DHX29: variants seen among roughly 807,000 people sequenced by gnomAD.
DHX29 encodes the protein ATP-dependent RNA helicase DHX29.
A neutral mutation model predicts 167.9 loss-of-function variants in DHX29; 79 were observed. The observed-to-expected ratio is 0.47, with a 90% CI of 0.39 to 0.57. The LOEUF (loss-of-function observed/expected upper bound fraction) is 0.57. Among genes scored for constraint, DHX29 ranks in the 20% least tolerant of loss-of-function variants. The pLI, the probability that DHX29 is intolerant of heterozygous loss-of-function variation, is 0.00. For synonymous variants in DHX29, 530 were observed against 546.0 expected, an observed-to-expected ratio of 0.97 and a Z score of 0.41; for missense variants, 1,347 against 1,593.4, an observed-to-expected ratio of 0.85 and a Z score of 2.63.
chr5:55,281,327 CAAAAAT>C (rs1321033472), intron 12 of DHX29, 39 bp downstream of exon 12: 2 of 1,443,406 alleles, frequency 1.4e-6, no homozygotes, highest in African/African-American at 2.9e-5. Context: ...CTTTTTAATA[CAAAAAT>C]ATTTCAAATT....
rs1746049807 is a variant in DHX29, at chr5:55,256,253, A to G, written c.*235T>C. The G allele has an allele frequency of 3.0e-6, 1 of 335,000 alleles. No homozygotes were observed. Among genetic ancestry groups the G allele is most frequent in the African/African-American group, 2.2e-5 (1 of 45,600 alleles). 20.8% of individuals were successfully genotyped at this position (335,000 alleles called of 1,614,324 possible). A position where few individuals can be genotyped will look rare whatever the true frequency, so the allele number is the denominator to read the frequency against. On this transcript the variant is annotated 3_prime_UTR_variant, in exon 27 of 27. Transcript: ENST00000251636. ...CAACGATGAGCAAAACATGCATAATACCAAAGAATTTATTGTAAATGTAGT... is the reference window on the plus strand; with the variant it reads ...CAACGATGAGCAAAACATGCATAATGCCAAAGAATTTATTGTAAATGTAGT...
At chr5:55,301,829 T>C (rs115628158) in intron 1 of DHX29, among the ~76,000 whole-genome samples, 1,715 of 152,178 alleles carry the variant, frequency 0.011, 29 homozygotes, top group African/African-American at 0.039. Flanking sequence ...ATTTAAACAT[T>C]AAATGTTCTT....
Position 55,297,332 on chromosome 5 carries a change from T to G in DHX29, c.328A>C (p.Asn110His). The G allele has an allele frequency of 6.2e-7, 1 of 1,602,092 alleles. No homozygotes were observed. Residue 110 changes from asparagine to histidine, a missense_variant, in exon 3 of 27, where the codon AAT becomes CAT. Coordinates refer to ENST00000251636, the MANE Select transcript of DHX29 (RefSeq NM_019030.4). Reference protein sequence around the residue: ...GVINEHKKQNNDKGMISGRLT... With the variant: ...GVINEHKKQNHDKGMISGRLT... ...CTTCCAGAAATCATTCCTTTGTCAT[T>G]ATTTTGCTTTTTATGCTCATTGATC...
Position 55,283,406 on chromosome 5 carries a change from G to C in DHX29, c.1762C>G (p.His588Asp), listed in dbSNP as rs752906136. 14 of 1,614,168 alleles carry C rather than the reference G, an allele frequency of 8.7e-6. No homozygotes were observed. In the East Asian group the frequency reaches 3.1e-4, roughly 36 times the overall value. ...RDSIVETLKRHRVVVVAGETG... is the reference protein window; with the variant it reads ...RDSIVETLKRDRVVVVAGETG... ...TCACCTGCCACAACCACTACCCGAT[G>C]CCTTTTAAGAGTTTCAACAATTGAG... Residue 588 changes from histidine (H) to aspartate (D), a missense_variant, in exon 11 of 27, where the codon CAT becomes GAT. This residue lies in a region of DHX29 where 882 missense variants were observed against 1,082.4 expected (regional missense o/e 0.81). Transcript: ENST00000251636.
chr5:55,259,160 A>T (rs1034727716), intron 26 of DHX29, among the ~76,000 whole-genome samples: 14 of 152,000 alleles, frequency 9.2e-5, no homozygotes, highest in Admixed American at 5.2e-4. Flanking sequence ...ATTTTTTTTT[A>T]AATAATAGCT....
chr5:55,301,408 C>T (rs2111978233), intron 1 of DHX29, among the ~76,000 whole-genome samples: 1 of 152,212 alleles, frequency 6.6e-6, no homozygotes, highest in East Asian at 1.9e-4. Flanking sequence ...CTTTGAGAAA[C>T]ACTGCTGTAT....
chr5:55,277,225 G>A lies in DHX29; in HGVS notation c.2167C>T (p.Gln723Ter). 6.3e-7 allele frequency: 1 copy of A among 1,586,502 alleles called. No homozygotes were observed. Among genetic ancestry groups the A allele is most frequent in the East Asian group, 2.3e-5 (1 of 43,940 alleles). ...FLLIILKEIL[Q>*]KRSDLHLILM... The stretch of plus-strand genomic sequence containing the variant: ...ATCAAGTGTAGATCAGAACGTTTCT[G>A]TAAAATTTCCTTCAAGATAATTAGT... The change falls in exon 13 of 27, where the codon CAG becomes TAG. Residue 723 changes from glutamine (Q) to a stop codon, truncating the protein, a stop_gained. Coordinates refer to ENST00000251636, the MANE Select transcript of DHX29 (RefSeq NM_019030.4). LOFTEE classifies it high-confidence loss of function.
intron 23 of DHX29, among the ~76,000 whole-genome samples, chr5:55,263,838 A>G (rs1579752417): frequency 6.7e-6 from 1 of 150,188 alleles, no homozygotes; most frequent in African/African-American, 2.4e-5. Flanking sequence ...CGAGAAGGAC[A>G]AAGTTCATTC....
In DHX29 at chr5:55,268,133, G is replaced by A. The variant is rs763067245; in HGVS notation, c.3295-311C>T. 4.8e-4 allele frequency among the ~76,000 whole-genome samples: 73 copies of A among 152,144 alleles called. No homozygotes were observed. In the Middle Eastern group the frequency reaches 0.01, roughly 21 times the overall value. On this transcript the variant is annotated intron_variant, in intron 21 of 26. Coordinates refer to ENST00000251636, the MANE Select transcript of DHX29 (RefSeq NM_019030.4). The stretch of plus-strand genomic sequence containing the variant: ...TCACCACAATCAGAGAAAAAAATCT[G>A]AACATTTATATAAATGATTTACAGT...
At chr5:55,295,290 T>C (rs1748256659) in intron 5 of DHX29, 89 bp downstream of exon 5, 2 of 1,013,632 alleles carry the variant, frequency 2.0e-6, no homozygotes, top group Non-Finnish European at 2.9e-6. Context: ...GTAAAAATGT[T>C]ATAGAAACCT....
rs139987333 is a variant in DHX29 at position 55,307,532 on chromosome 5, C to G, written c.42G>C (p.Ala14=). 524 of 1,613,534 alleles carry G rather than the reference C, an allele frequency of 3.2e-4. 2 individuals are homozygous for G. The African/African-American group carries it at 4.8e-3, about 15-fold the overall frequency. ...KNKKHKAPAA[A]VVRAAVSASR... ...AAGCAGACACGGCGGCCCGGACCAC[C>G]GCGGCCGCTGGAGCCTTGTGTTTCT... Residue 14 remains alanine (A), a synonymous_variant, in exon 1 of 27, where the codon GCG becomes GCC. Transcript: ENST00000251636.
chr5:55,282,630 A>T (rs1210319129), intron 11 of DHX29, among the ~76,000 whole-genome samples: 1 of 152,222 alleles, frequency 6.6e-6, no homozygotes, highest in Non-Finnish European at 1.5e-5. Context: ...TAACTAGTTT[A>T]ATTAATTAAA....
intron 1 of DHX29, among the ~76,000 whole-genome samples, chr5:55,300,238 C>A (rs1748531758): frequency 6.6e-6 from 1 of 152,062 alleles, no homozygotes; most frequent in South Asian, 2.1e-4. Context: ...TAGCACATGT[C>A]TGAAGTCCCA....
At chr5:55,281,548 CTCA>C (rs1307899741) in intron 11 of DHX29, 33 bp from the exon 12 acceptor site, 1 of 1,472,148 alleles carries the variant, frequency 6.8e-7, no homozygotes, top group African/African-American at 1.4e-5. Flanking sequence ...TGATTAGATT[CTCA>C]TGAGTAATAT....
At position 55,283,829 on chromosome 5, in the gene DHX29, G is replaced by A. The variant is rs1747574305; in HGVS notation, c.1357-18C>T. On this transcript the variant is annotated intron_variant, in intron 10 of 26. Transcript: ENST00000251636. ...TGAACTGACTAAAGGAAAAACAGAG[G>A]TATGTTATTTTCACTAACTATTCAA... 3 of 1,544,300 alleles carry A rather than the reference G, an allele frequency of 1.9e-6. No individual in the cohort carries two copies. Among genetic ancestry groups the A allele is most frequent in the African/African-American group, 1.4e-5 (1 of 72,182 alleles).
At chr5:55,269,690 C>T (rs2111824087) in intron 20 of DHX29, 53 bp from the exon 21 acceptor site, 6 of 1,433,860 alleles carry the variant, frequency 4.2e-6, no homozygotes, top group East Asian at 2.4e-5. Context: ...ATGAACACTA[C>T]CCAATGAGAT....
At chr5:55,266,464 C>T (rs1746577857) in intron 23 of DHX29, among the ~76,000 whole-genome samples, 1 of 151,622 alleles carries the variant, frequency 6.6e-6, no homozygotes, top group Non-Finnish European at 1.5e-5. Context: ...CATGCGCCAC[C>T]ACACCTGGCT....
intron 1 of DHX29, among the ~76,000 whole-genome samples, chr5:55,299,460 C>T (rs536694721): frequency 6.6e-6 from 1 of 152,254 alleles, no homozygotes; most frequent in East Asian, 1.9e-4. Flanking sequence ...GCTGCCATAA[C>T]AAATTACCAC....
intron 1 of DHX29, among the ~76,000 whole-genome samples, chr5:55,300,922 A>G (rs1000949679): frequency 6.6e-6 from 1 of 152,160 alleles, no homozygotes; most frequent in Non-Finnish European, 1.5e-5. Flanking sequence ...AGATTAGGGT[A>G]CCAGCAAGGG....
Sources: gnomAD v4.1 joint callset for allele counts (sites outside exome capture counted in the v4.1 genomes callset) on GRCh38, gnomAD v4.1.1 for gene constraint, gnomAD v4.1.1 regional missense constraint, MANE v1.5 for transcripts, NCBI Gene and HGNC (gene_info 2026-07-23, HGNC 2026-07-21) for gene names.